ARL8B: variants seen among roughly 807,000 people sequenced by gnomAD.
ARL8B encodes the protein ARF like GTPase 8B.
ARL8B carries 9 observed loss-of-function variants against 30.6 expected under a neutral mutation model. The observed-to-expected ratio is 0.29, with a 90% CI of 0.18 to 0.51. The LOEUF (loss-of-function observed/expected upper bound fraction) is 0.51. ARL8B is among the 20% of genes least tolerant of loss of function. The pLI, the probability that ARL8B is intolerant of heterozygous loss-of-function variation, is 0.97. For missense variants in ARL8B, 130 were observed against 227.2 expected (o/e 0.57, Z 2.75); for synonymous variants, 74 against 76.0 (o/e 0.97, Z 0.14).
At chr3:5,147,602 T>G (rs969863704) in intron 1 of ARL8B, among the ~76,000 whole-genome samples, 10 of 152,164 alleles carry the variant, frequency 6.6e-5, no homozygotes, top group African/African-American at 1.9e-4. Context: ...TGATTTAACG[T>G]TTTTCTGACT....
At chr3:5,154,584 G>A (rs1019801048) in intron 1 of ARL8B, among the ~76,000 whole-genome samples, 3 of 152,032 alleles carry the variant, frequency 2.0e-5, no homozygotes, top group African/African-American at 7.2e-5. Flanking sequence ...GTGATGTTAA[G>A]TACCTTCATA....
intron 1 of ARL8B, among the ~76,000 whole-genome samples, chr3:5,124,018 C>T (rs531115789): frequency 6.6e-6 from 1 of 152,218 alleles, no homozygotes; most frequent in African/African-American, 2.4e-5. Context: ...GGATTACAGA[C>T]GTCCTCCACC....
chr3:5,149,565 T>TA (rs1301152023), intron 1 of ARL8B, among the ~76,000 whole-genome samples: 2 of 152,258 alleles, frequency 1.3e-5, no homozygotes, highest in Non-Finnish European at 2.9e-5. Flanking sequence ...ACTGTGGAGT[T>TA]ACAATCTTCC....
chr3:5,135,559 A>C (rs1355061635), intron 1 of ARL8B, among the ~76,000 whole-genome samples: 62 of 130,788 alleles, frequency 4.7e-4, no homozygotes, highest in Middle Eastern at 5.2e-3. Context: ...CCCAGGTTCA[A>C]ACGATTCTCC....
At chr3:5,167,559 C>A (rs903052384) in intron 1 of ARL8B, among the ~76,000 whole-genome samples, 1 of 152,154 alleles carries the variant, frequency 6.6e-6, no homozygotes, top group Non-Finnish European at 1.5e-5. Context: ...CTCTTTCCCC[C>A]CCAAGTCAGA....
chr3:5,123,487 A>C (rs2054201867), intron 1 of ARL8B, among the ~76,000 whole-genome samples: 2 of 152,212 alleles, frequency 1.3e-5, no homozygotes, highest in South Asian at 4.1e-4. Flanking sequence ...GGAAATAAAT[A>C]GGAGTGAAAG....
intron 1 of ARL8B, among the ~76,000 whole-genome samples, chr3:5,157,513 G>A (rs11927499): frequency 0.4 from 60,524 of 151,794 alleles, 14,078 homozygotes; most frequent in African/African-American, 0.67. Context: ...AAGCAACACA[G>A]GTTCTTTCTC....
intron 1 of ARL8B, among the ~76,000 whole-genome samples, chr3:5,138,103 A>G (rs1346289871): frequency 6.8e-6 from 1 of 147,180 alleles, no homozygotes; most frequent in East Asian, 2.0e-4. Context: ...TGAAAAATTT[A>G]CTGGTTTATT....
At chr3:5,161,982 G>A (rs1407571586) in intron 1 of ARL8B, among the ~76,000 whole-genome samples, 1 of 152,212 alleles carries the variant, frequency 6.6e-6, no homozygotes, top group African/African-American at 2.4e-5. Flanking sequence ...GCAGAGACAA[G>A]TAGCTTTAAG....
chr3:5,126,687 A>G (rs1312470466), intron 1 of ARL8B, among the ~76,000 whole-genome samples: 1 of 152,180 alleles, frequency 6.6e-6, no homozygotes, highest in Non-Finnish European at 1.5e-5. Flanking sequence ...AGTTTTATGT[A>G]GAGACACTTG....
chr3:5,156,512 G>A (rs538688715), intron 1 of ARL8B, among the ~76,000 whole-genome samples: 1 of 151,874 alleles, frequency 6.6e-6, no homozygotes, highest in East Asian at 1.9e-4. Context: ...TGCCTCCCAA[G>A]TTCAAGCGAT....
intron 1 of ARL8B, among the ~76,000 whole-genome samples, chr3:5,131,483 C>T (rs896585944): frequency 5.3e-5 from 8 of 151,050 alleles, no homozygotes; most frequent in East Asian, 2.0e-4. Flanking sequence ...CTCCGCCTCC[C>T]GAGTTCAAGC....
intron 1 of ARL8B, among the ~76,000 whole-genome samples, chr3:5,152,121 G>A (rs1409788912): frequency 6.6e-6 from 1 of 152,240 alleles, no homozygotes; most frequent in African/African-American, 2.4e-5. Context: ...GGTAGATCCA[G>A]TTGGTTGTTG....
chr3:5,152,673 A>C (rs1416546414), intron 1 of ARL8B, among the ~76,000 whole-genome samples: 1 of 152,178 alleles, frequency 6.6e-6, no homozygotes, highest in Non-Finnish European at 1.5e-5. Flanking sequence ...TTTTGTAGAG[A>C]TAGAGTCTTG....
chr3:5,129,694 A>G (rs1479798090), intron 1 of ARL8B, among the ~76,000 whole-genome samples: 1 of 151,832 alleles, frequency 6.6e-6, no homozygotes, highest in Non-Finnish European at 1.5e-5. Context: ...CCACAGGCGT[A>G]TGTCACTACG....
chr3:5,160,100 T>C (rs1218346883), intron 1 of ARL8B, among the ~76,000 whole-genome samples: 1 of 152,210 alleles, frequency 6.6e-6, no homozygotes, highest in Non-Finnish European at 1.5e-5. Context: ...TGCAGGTGTT[T>C]ATTAAGGATT....
At chr3:5,125,475 A>G (rs2054222358) in intron 1 of ARL8B, among the ~76,000 whole-genome samples, 1 of 151,050 alleles carries the variant, frequency 6.6e-6, no homozygotes, top group Non-Finnish European at 1.5e-5. Flanking sequence ...ATTATATTTA[A>G]CAACAACAAA....
intron 1 of ARL8B, among the ~76,000 whole-genome samples, chr3:5,160,692 A>C (rs2054573104): frequency 6.6e-6 from 1 of 152,256 alleles, no homozygotes; most frequent in Non-Finnish European, 1.5e-5. Context: ...AAAGTTATCT[A>C]GATGTGATAT....
At chr3:5,125,841 T>C (rs1372244798) in intron 1 of ARL8B, among the ~76,000 whole-genome samples, 2 of 152,144 alleles carry the variant, frequency 1.3e-5, no homozygotes, top group African/African-American at 2.4e-5. Flanking sequence ...CCCACTGTTA[T>C]CATTAGACTA....
Sources: allele counts gnomAD v4.1 joint callset (sites outside exome capture counted in the v4.1 genomes callset), GRCh38; gene constraint gnomAD v4.1.1; transcripts MANE v1.5; gene names NCBI Gene and HGNC (gene_info 2026-07-23, HGNC 2026-07-21).